LAMC1: variants seen among roughly 807,000 people sequenced by gnomAD.
LAMC1 encodes laminin subunit gamma 1, also known as laminin subunit gamma-1.
In LAMC1, 38 loss-of-function variants were observed where a neutral mutation model predicts 173.6. The ratio of observed to expected loss-of-function variants is 0.22; its 90% confidence interval spans 0.17 to 0.29. LAMC1 has a LOEUF of 0.29. LAMC1 is among the 10% of genes least tolerant of loss of function. The pLI, the probability that LAMC1 is intolerant of heterozygous loss-of-function variation, is 1.00. For synonymous variants in LAMC1, 746 were observed against 749.1 expected, an observed-to-expected ratio of 1.00 and a Z score of 0.07; for missense variants, 1,824 against 2,051.8, an observed-to-expected ratio of 0.89 and a Z score of 2.14.
intron 1 of LAMC1, among the ~76,000 whole-genome samples, chr1:183,077,776 G>GTGTGTGTGTGTGTATATATA: frequency 1.7e-5 from 2 of 116,520 alleles, no homozygotes; most frequent in Non-Finnish European, 3.8e-5. Flanking sequence ...TGGCCATTGT[G>GTGTGTGTGTGTGTATATATA]TATATATATA....
intron 1 of LAMC1, among the ~76,000 whole-genome samples, chr1:183,036,993 C>A (rs4409613): frequency 6.6e-6 from 1 of 151,836 alleles, no homozygotes; most frequent in Non-Finnish European, 1.5e-5. Flanking sequence ...TCAGGCTGGC[C>A]TCGAACTCCT....
intron 1 of LAMC1, among the ~76,000 whole-genome samples, chr1:183,088,729 T>C (rs888848129): frequency 2.0e-5 from 3 of 152,186 alleles, no homozygotes; most frequent in African/African-American, 7.2e-5. Flanking sequence ...ATAATACAAG[T>C]TGAAAGTGGC....
At chr1:183,039,197 G>A (rs1260742810) in intron 1 of LAMC1, among the ~76,000 whole-genome samples, 3 of 144,544 alleles carry the variant, frequency 2.1e-5, no homozygotes, top group Non-Finnish European at 1.5e-5. Context: ...TGAGCATGCC[G>A]GAATTTTCAT....
In LAMC1 at chr1:183,086,082, A is replaced by T. The variant is rs1046097607; in HGVS notation, c.419-17246A>T. ...CCTATATCCATAAATAAATAAATAT[A>T]TGTATATACAGGCCTCATTTATGCT... is the stretch of plus-strand genomic sequence containing the variant. On this transcript the variant is annotated intron_variant, in intron 1 of 27. Transcript: ENST00000258341. 7.2e-5 allele frequency among the ~76,000 whole-genome samples: 11 copies of T among 152,202 alleles called. 1 individual carries two copies. Among genetic ancestry groups the T allele is most frequent in the Non-Finnish European group, 1.0e-4 (7 of 68,044 alleles).
Position 183,108,192 on chromosome 1 carries a change from A to G in LAMC1, c.724-84A>G, listed in dbSNP as rs933413034. The G allele has an allele frequency of 2.4e-6, 3 of 1,252,968 alleles. No individual in the cohort carries two copies. In the African/African-American group the frequency reaches 4.5e-5, roughly 19 times the overall value. 77.6% of individuals were successfully genotyped at this position (1,252,968 alleles called of 1,614,324 possible). ...GGCGTAAGTTAAATGATAATAAGTT[A>G]GTGATTTAGAACATTTTGTCACATT... On this transcript the variant is annotated intron_variant, in intron 2 of 27. Transcript: ENST00000258341.
chr1:183,128,303 T>C (rs950289468), intron 17 of LAMC1, among the ~76,000 whole-genome samples: 5 of 152,094 alleles, frequency 3.3e-5, no homozygotes, highest in African/African-American at 7.2e-5. Context: ...AAGGTTTTTT[T>C]TGAAGCTGGA....
At chr1:183,062,273 CT>C (rs1654761925) in intron 1 of LAMC1, among the ~76,000 whole-genome samples, 1 of 152,248 alleles carries the variant, frequency 6.6e-6, no homozygotes, top group East Asian at 1.9e-4. Flanking sequence ...ATACTATTTT[CT>C]TGTCAGAACA....
chr1:183,117,034 A>G (rs1656342511), intron 8 of LAMC1, 131 bp downstream of exon 8: 1 of 941,228 alleles, frequency 1.1e-6, no homozygotes, highest in Non-Finnish European at 1.6e-6. Context: ...TAGCATGCAT[A>G]GTTTTTGTAG....
chr1:183,132,319 T>C, intron 20 of LAMC1, 81 bp from the exon 21 acceptor site: 1 of 878,250 alleles, frequency 1.1e-6, no homozygotes, highest in East Asian at 2.8e-5. Flanking sequence ...ATAATAATAA[T>C]AAAGTAAGCA....
intron 18 of LAMC1, 27 bp from the exon 19 acceptor site, chr1:183,130,317 C>A (rs746150717): frequency 1.3e-5 from 21 of 1,576,174 alleles, no homozygotes; most frequent in Non-Finnish European, 1.8e-5. Context: ...AGATAATTTA[C>A]AGACTTTCTT....
At chr1:183,044,751 A>G (rs182226159) in intron 1 of LAMC1, among the ~76,000 whole-genome samples, 9 of 152,244 alleles carry the variant, frequency 5.9e-5, no homozygotes, top group Non-Finnish European at 1.2e-4. Context: ...CTGGAAAATA[A>G]CTGAAACCAA....
intron 13 of LAMC1, among the ~76,000 whole-genome samples, chr1:183,123,244 A>T (rs557257399): frequency 6.6e-6 from 1 of 152,272 alleles, no homozygotes; most frequent in East Asian, 1.9e-4. Context: ...GTTATCTCAG[A>T]TCTGACCACT....
At chr1:183,129,445 T>C (rs575406531) in intron 18 of LAMC1, among the ~76,000 whole-genome samples, 2 of 152,134 alleles carry the variant, frequency 1.3e-5, no homozygotes, top group Non-Finnish European at 2.9e-5. Flanking sequence ...CCACCATATA[T>C]AGTTAGGCAA....
At chr1:183,048,767 G>T (rs1297683316) in intron 1 of LAMC1, among the ~76,000 whole-genome samples, 2 of 152,178 alleles carry the variant, frequency 1.3e-5, no homozygotes, top group East Asian at 1.9e-4. Flanking sequence ...TGTCTGTTGG[G>T]CTTGAAAATC....
intron 1 of LAMC1, among the ~76,000 whole-genome samples, chr1:183,080,801 C>G (rs1018875135): frequency 6.6e-6 from 1 of 151,598 alleles, no homozygotes; most frequent in African/African-American, 2.4e-5. Flanking sequence ...CAACACAGTC[C>G]TTGGCTTTGC....
intron 1 of LAMC1, among the ~76,000 whole-genome samples, chr1:183,065,049 G>C (rs1654842770): frequency 1.3e-5 from 2 of 151,828 alleles, no homozygotes; most frequent in South Asian, 4.2e-4. Flanking sequence ...GCTGGGAACT[G>C]ATTTTTTTTT....
At chr1:183,132,591 A>G in intron 21 of LAMC1, 54 bp downstream of exon 21, 1 of 1,407,042 alleles carries the variant, frequency 7.1e-7, no homozygotes, top group East Asian at 2.3e-5. Flanking sequence ...GGTAAGTAAC[A>G]CTAGTTCAAT....
At chr1:183,087,516 T>G (rs1182874177) in intron 1 of LAMC1, among the ~76,000 whole-genome samples, 1 of 152,196 alleles carries the variant, frequency 6.6e-6, no homozygotes, top group Non-Finnish European at 1.5e-5. Flanking sequence ...AGACAGTAAT[T>G]ATCTAAATGT....
At position 183,125,680 on chromosome 1, in the gene LAMC1, T is replaced by G. The variant is rs74806261; in HGVS notation, c.2801+130T>G. On this transcript the variant is annotated intron_variant, in intron 15 of 27. Transcript: ENST00000258341. The stretch of plus-strand genomic sequence containing the variant: ...GCGCCTAATGTAGGCAAGGCATCCT[T>G]CAGGGGCAGTGCTGGAGAATTGTAA... 100 of 648,680 alleles carry G rather than the reference T, an allele frequency of 1.5e-4. No homozygotes were observed. In the East Asian group the frequency reaches 2.7e-3, roughly 18 times the overall value. The allele number at this position is 648,680 out of a possible 1,614,324, so 40.2% of individuals were successfully genotyped here. A position where few individuals can be genotyped will look rare whatever the true frequency, so the allele number is the denominator to read the frequency against.
Sources: gnomAD v4.1 joint callset for allele counts (sites outside exome capture counted in the v4.1 genomes callset) on GRCh38, gnomAD v4.1.1 for gene constraint, MANE v1.5 for transcripts, NCBI Gene and HGNC (gene_info 2026-07-23, HGNC 2026-07-21) for gene names.